The following WDR90 variants were observed in gnomAD, a reference collection of about 807,000 sequenced individuals.
WDR90 encodes WD repeat domain 90.
WDR90 carries 238 observed loss-of-function variants against 195.2 expected under a neutral mutation model. That is an observed-to-expected ratio of 1.22 (90% confidence interval 1.10 to 1.36). WDR90 has a LOEUF of 1.36. WDR90 is among the 40% of genes most tolerant of loss of function. WDR90 has a pLI of 0.00. For synonymous variants in WDR90, 1,265 were observed against 1,052.4 expected (o/e 1.20, Z -3.91); for missense variants, 2,734 against 2,439.5 (o/e 1.12, Z -2.54).
Position 649,774 on chromosome 16 carries a change from C to T in WDR90, c.22C>T (p.Pro8Ser). Residue 8 changes from proline to serine, a missense_variant, in exon 2 of 41, where the codon CCG becomes TCG. Pro to Ser is a moderately conservative substitution (Grantham distance 74, BLOSUM62 -1). Coordinates refer to ENST00000293879, the MANE Select transcript of WDR90 (RefSeq NM_145294.5). Reference sequence around the variant, plus strand: ...CCCGCTCCCCGCAGCGTGGCAGCACCCGTTCCTCAACGTCTTCAGACACTT... The same window carrying T: ...CCCGCTCCCCGCAGCGTGGCAGCACTCGTTCCTCAACGTCTTCAGACACTT... Reference protein sequence around the residue: MARAWQHPFLNVFRHFRV... With the variant: MARAWQHSFLNVFRHFRV... 1 of 1,562,388 alleles carries T rather than the reference C, an allele frequency of 6.4e-7. No homozygotes were observed. Among genetic ancestry groups the T allele is most frequent in the Non-Finnish European group, 8.7e-7 (1 of 1,154,100 alleles).
In WDR90 at chr16:661,480, G is replaced by T; in HGVS notation, c.3652G>T (p.Asp1218Tyr). 1 of 1,608,214 alleles carries T rather than the reference G, an allele frequency of 6.2e-7. No individual in the cohort carries two copies. Among genetic ancestry groups the T allele is most frequent in the South Asian group, 1.1e-5 (1 of 90,778 alleles). The change falls in exon 30 of 41, where the codon GAC (aspartate) becomes TAC (tyrosine). Residue 1218 changes from aspartate (D) to tyrosine (Y), a missense_variant. Transcript: ENST00000293879. ...GCTGGCCCTGGCCTTCTCACCAGAT[G>T]ACAGGCTTCTTGTCACACTGGGTCA... is the stretch of plus-strand genomic sequence containing the variant. ...TVLALAFSPDDRLLVTLGDHD... is the reference protein window; with the variant it reads ...TVLALAFSPDYRLLVTLGDHD...
chr16:657,136 C>A lies in WDR90; in HGVS notation c.2388C>A (p.Gly796=). 6.3e-7 allele frequency: 1 copy of A among 1,578,774 alleles called. No homozygotes were observed. The stretch of plus-strand genomic sequence containing the variant: ...CCGGCCTGACCGCCACCCCTGACGG[C>A]CGCCTGCTCTTCAGCTCCTGCTCCC... The part of the protein sequence containing the change: ...AVTGLTATPD[G]RLLFSSCSQG... Residue 796 remains glycine (G), a synonymous_variant, in exon 20 of 41, where the codon GGC becomes GGA. Transcript: ENST00000293879.
chr16:658,343 A>T lies in WDR90; in HGVS notation c.2765A>T (p.Glu922Val), dbSNP rs1349649499. ...GCTGTGTCGGGCCGCATCATCCGGG[A>T]GGTGAGCCTCAGGGCTGTGGCCCGC... Reference protein sequence around the residue: ...LDAVSGRIIRELPGVHPEPCP... With the variant: ...LDAVSGRIIRVLPGVHPEPCP... Residue 922 changes from glutamate to valine, a missense_variant and splice_region_variant, in exon 22 of 41, where the codon GAG (glutamate) becomes GTG (valine). Coordinates refer to ENST00000293879, the MANE Select transcript of WDR90 (RefSeq NM_145294.5). The T allele has an allele frequency of 6.2e-7, 1 of 1,611,808 alleles. No homozygotes were observed. Among genetic ancestry groups the T allele is most frequent in the Non-Finnish European group, 8.5e-7 (1 of 1,179,616 alleles).
Position 651,738 on chromosome 16 carries a change from C to T in WDR90, c.831C>T (p.Ser277=), listed in dbSNP as rs749587401. Residue 277 remains serine, a synonymous_variant, in exon 8 of 41, where the codon AGC becomes AGT. Transcript: ENST00000293879. ...FSVSPVVQTP[S]PTASGRAALA... ...TGTCTCCAGTGGTCCAGACGCCCAG[C>T]CCCACAGCCGTGAGTACCCCCTTCG... The T allele has an allele frequency of 1.9e-6, 3 of 1,613,096 alleles. No homozygotes were observed. Among genetic ancestry groups the T allele is most frequent in the Non-Finnish European group, 2.5e-6 (3 of 1,179,994 alleles).
rs779769633 is a variant in WDR90 at position 651,079 on chromosome 16, G to A, written c.644G>A (p.Trp215Ter). ...TTCCCTGTGCCCAAGGGAGAGAGCT[G>A]GCATGACCGCTACATCCACGTCCGG... ...MAFPVPKGES[W>*]HDRYIHVRFP... The change falls in exon 6 of 41, where the codon TGG becomes TAG. Residue 215 changes from tryptophan (W) to a stop codon, truncating the protein, a stop_gained. Transcript: ENST00000293879. LOFTEE classifies it high-confidence loss of function. 1.2e-6 allele frequency: 2 copies of A among 1,613,594 alleles called. No homozygotes were observed. Among genetic ancestry groups the A allele is most frequent in the Admixed American group, 1.7e-5 (1 of 60,026 alleles).
intron 4 of WDR90, 36 bp downstream of exon 4, chr16:650,398 G>T (rs1221460540): frequency 1.3e-6 from 2 of 1,597,430 alleles, no homozygotes; most frequent in Admixed American, 3.3e-5. Context: ...ATCCAGGACA[G>T]GTGGCTGGAG....
chr16:658,268 TG>T lies in WDR90; in HGVS notation c.2693del (p.Gly898AlafsTer37), dbSNP rs1567218584. 1 of 1,612,632 alleles carries T rather than the reference TG, an allele frequency of 6.2e-7. No individual in the cohort carries two copies. The highest frequency in any genetic ancestry group is 1.3e-5 in the African/African-American group (1 of 75,054). On this transcript the variant is annotated frameshift_variant, in exon 22 of 41. Coordinates refer to ENST00000293879, the MANE Select transcript of WDR90 (RefSeq NM_145294.5). LOFTEE classifies it high-confidence loss of function. ...AMAVCFGPAA[L>X]GHLLVSTSSN... ...GCTGTGTGCTTTGGCCCTGCAGCTC[TG>T]GGCCACCTGCTGGTGTCCACCTCGT...
Position 661,948 on chromosome 16 carries a change from T to A in WDR90, c.3922T>A (p.Tyr1308Asn), listed in dbSNP as rs1409895918. 1 of 1,608,110 alleles carries A rather than the reference T, an allele frequency of 6.2e-7. No individual in the cohort carries two copies. Among genetic ancestry groups the A allele is most frequent in the Admixed American group, 1.7e-5 (1 of 59,990 alleles). The change falls in exon 32 of 41, where the codon TAC becomes AAC. Residue 1308 changes from tyrosine to asparagine, a missense_variant. Transcript: ENST00000293879. ...VGAGELTSLCYGAPPLLYCGT... is the reference protein window; with the variant it reads ...VGAGELTSLCNGAPPLLYCGT... Reference sequence around the variant, plus strand: ...GGCTGGAGAGCTGACCTCGCTCTGCTACGGGGCACCTCCCCTGCTCTATTG... The same window carrying A: ...GGCTGGAGAGCTGACCTCGCTCTGCAACGGGGCACCTCCCCTGCTCTATTG...
At chr16:659,484 A>G (rs949654030) in intron 26 of WDR90, 108 bp downstream of exon 26, 2 of 1,407,132 alleles carry the variant, frequency 1.4e-6, no homozygotes, top group East Asian at 5.0e-5. Context: ...TGCAGGTGCC[A>G]TCGCTGCTCA....
chr16:664,467 G>A (rs1447399966), intron 34 of WDR90, among the ~76,000 whole-genome samples: 2 of 152,288 alleles, frequency 1.3e-5, no homozygotes, highest in South Asian at 4.1e-4. Context: ...GGAAATTCGG[G>A]TCCTGAGACC....
At position 650,261 on chromosome 16, in the gene WDR90, A is replaced by C. The variant is rs757952867; in HGVS notation, c.287A>C (p.Gln96Pro). 5.0e-6 allele frequency: 8 copies of C among 1,612,714 alleles called. No homozygotes were observed. Among genetic ancestry groups the C allele is most frequent in the Non-Finnish European group, 6.8e-6 (8 of 1,179,886 alleles). ...IHLDVSSKDN[Q>P]VIRVSFSNLF... is the part of the protein sequence containing the mutation. ...CCTGCTCCGTCCCCACAGGACAACC[A>C]AGTCATCCGTGTGTCTTTCTCCAAC... Residue 96 changes from glutamine (Q) to proline (P), a missense_variant, in exon 4 of 41, where the codon CAA becomes CCA. Transcript: ENST00000293879.
chr16:654,034 C>A, intron 13 of WDR90: 1 of 592,114 alleles, frequency 1.7e-6, no homozygotes, highest in South Asian at 2.3e-5. Flanking sequence ...CCATCGGAGT[C>A]GGTTTAAGCC....
Position 649,749 on chromosome 16 carries a change from C to G in WDR90, c.11-14C>G. 2 of 1,548,638 alleles carry G rather than the reference C, an allele frequency of 1.3e-6. No homozygotes were observed. Among genetic ancestry groups the G allele is most frequent in the Non-Finnish European group, 1.7e-6 (2 of 1,146,696 alleles). On this transcript the variant is annotated splice_polypyrimidine_tract_variant and intron_variant, in intron 1 of 40. Transcript: ENST00000293879. ...TGGCCGAGTCCCCTGACGCCCGGCGCCCGCTCCCCGCAGCGTGGCAGCACC... is the reference window on the plus strand; with the variant it reads ...TGGCCGAGTCCCCTGACGCCCGGCGGCCGCTCCCCGCAGCGTGGCAGCACC...
At chr16:665,578 G>A in intron 34 of WDR90, 101 bp from the exon 35 acceptor site, 2 of 1,588,972 alleles carry the variant, frequency 1.3e-6, no homozygotes, top group Non-Finnish European at 1.7e-6. Context: ...CACATGCTCT[G>A]GTTTGGACAG....
At position 661,135 on chromosome 16, in the gene WDR90, CGGA is replaced by C; in HGVS notation, c.3478_3480del (p.Glu1160del). 6.4e-7 allele frequency: 1 copy of C among 1,562,908 alleles called. No homozygotes were observed. The highest frequency in any genetic ancestry group is 2.3e-5 in the East Asian group (1 of 42,646). On this transcript the variant is annotated inframe_deletion, in exon 29 of 41. Transcript: ENST00000293879. ...CAGCAGCACTGGTCCGGCCACTCTG[CGGA>C]GATCTCCACGCTGGCCCTCAGCCAC...
chr16:660,552 G>A (rs1312485552), intron 27 of WDR90, 60 bp from the exon 28 acceptor site: 2 of 1,516,884 alleles, frequency 1.3e-6, no homozygotes, highest in East Asian at 4.9e-5. Flanking sequence ...CCATGTGCAG[G>A]CTTTGGGGCA....
intron 36 of WDR90, 45 bp downstream of exon 36, chr16:666,169 C>G: frequency 6.2e-7 from 1 of 1,605,966 alleles, no homozygotes; most frequent in Non-Finnish European, 8.5e-7. Context: ...CTGACCTGGC[C>G]CAGGTCCAGT....
chr16:657,303 C>A, intron 20 of WDR90, 82 bp downstream of exon 20: 1 of 1,444,478 alleles, frequency 6.9e-7, no homozygotes, highest in Non-Finnish European at 9.1e-7. Flanking sequence ...CCTGGACACA[C>A]ATGCCGGTTT....
At chr16:651,591 A>T in intron 7 of WDR90, 53 bp from the exon 8 acceptor site, 1 of 1,563,440 alleles carries the variant, frequency 6.4e-7, no homozygotes, top group Non-Finnish European at 8.7e-7. Flanking sequence ...CACCCTCACC[A>T]GGCATCTGCA....
Sources: allele counts gnomAD v4.1 joint callset (sites outside exome capture counted in the v4.1 genomes callset), GRCh38; gene constraint gnomAD v4.1.1; transcripts MANE v1.5; gene names NCBI Gene and HGNC (gene_info 2026-07-23, HGNC 2026-07-21).